ZZEF1: variants seen among roughly 807,000 people sequenced by gnomAD.
ZZEF1 encodes the protein zinc finger ZZ-type and EF-hand domain containing 1.
In ZZEF1, 157 loss-of-function variants were observed where a neutral mutation model predicts 342.8. The observed-to-expected ratio is 0.46, with a 90% confidence interval of 0.40 to 0.52. The LOEUF (loss-of-function observed/expected upper bound fraction) is 0.52. Ranked by LOEUF, ZZEF1 falls within the 20% of genes least tolerant of loss-of-function variation. The pLI is 0.00. For missense variants in ZZEF1, 3,480 were observed against 3,725.6 expected (o/e 0.93, Z 1.72); for synonymous variants, 1,505 against 1,429.1 (o/e 1.05, Z -1.20).
chr17:4,060,608 C>G (rs549354685), intron 30 of ZZEF1, among the ~76,000 whole-genome samples: 5 of 148,052 alleles, frequency 3.4e-5, no homozygotes, highest in Admixed American at 2.0e-4. Context: ...AAACACTCAA[C>G]CCCCCACCCC....
intron 5 of ZZEF1, among the ~76,000 whole-genome samples, chr17:4,112,054 A>G (rs1026186370): frequency 2.8e-5 from 1 of 36,016 alleles, no homozygotes; most frequent in African/African-American, 1.6e-4. Flanking sequence ...ATATATATAT[A>G]TATATATATA....
At chr17:4,092,959 CAAAA>C (rs111253238) in intron 11 of ZZEF1, among the ~76,000 whole-genome samples, 1 of 97,214 alleles carries the variant, frequency 1.0e-5, no homozygotes. Flanking sequence ...AGGACATGAC[CAAAA>C]AAAAAAAAAA....
chr17:4,088,075 G>A (rs1020835878), intron 13 of ZZEF1, among the ~76,000 whole-genome samples: 7 of 152,098 alleles, frequency 4.6e-5, no homozygotes, highest in Non-Finnish European at 7.4e-5. Context: ...GCCTCTGAAT[G>A]TGCCCTGAAG....
chr17:4,136,055 C>T (rs1194960649), intron 1 of ZZEF1, among the ~76,000 whole-genome samples: 3 of 131,708 alleles, frequency 2.3e-5, no homozygotes, highest in African/African-American at 2.8e-5. Context: ...TGCAGTGGTG[C>T]GATCTCGGCT....
intron 25 of ZZEF1, chr17:4,071,274 T>C (rs925185194): frequency 5.0e-5 from 10 of 200,618 alleles, no homozygotes; most frequent in Admixed American, 3.3e-4. Flanking sequence ...CCCTGAAGGA[T>C]TGGCAGATTT....
At chr17:4,112,525 T>C in intron 5 of ZZEF1, 84 bp downstream of exon 5, 1 of 1,381,734 alleles carries the variant, frequency 7.2e-7, no homozygotes, top group Admixed American at 1.9e-5. Context: ...AAACCGAATC[T>C]CAAAAACTAA....
At chr17:4,091,698 A>G (rs924411750) in intron 11 of ZZEF1, among the ~76,000 whole-genome samples, 1 of 151,520 alleles carries the variant, frequency 6.6e-6, no homozygotes, top group East Asian at 1.9e-4. Context: ...AATCACTTGA[A>G]CCCAAGAGGT....
Position 4,089,372 on chromosome 17 carries a change from T to C in ZZEF1, c.2026-479A>G, listed in dbSNP as rs188183869. On this transcript the variant is annotated intron_variant, in intron 12 of 54. Coordinates refer to ENST00000381638, the MANE Select transcript of ZZEF1 (RefSeq NM_015113.4). ...TTTCATGCAAACTACCTGCTTCTTA[T>C]GGTGAGCGCTCTTTGTTAAGGGCCT... 3.2e-4 allele frequency among the ~76,000 whole-genome samples: 48 copies of C among 152,332 alleles called. 2 individuals are homozygous for C. Among genetic ancestry groups the C allele is most frequent in the Admixed American group, 2.7e-3 (41 of 15,300 alleles).
Position 4,085,740 on chromosome 17 carries a change from G to T in ZZEF1, c.2576C>A (p.Thr859Asn). 2 of 1,614,118 alleles carry T rather than the reference G, an allele frequency of 1.2e-6. No homozygotes were observed. Among genetic ancestry groups the T allele is most frequent in the Non-Finnish European group, 1.7e-6 (2 of 1,180,004 alleles). The change falls in exon 16 of 55, where the codon ACC becomes AAC. Residue 859 changes from threonine to asparagine, a missense_variant. Physicochemically the swap from Thr to Asn is moderately conservative, Grantham distance 65. Around this residue, in one of 5 missense-constraint regions of ZZEF1, gnomAD observed 1,528 missense variants for 1,624.1 expected, o/e 0.94. Transcript: ENST00000381638. Reference protein sequence around the residue: ...MEILKQEVRNTLLNGAAIFFP... With the variant: ...MEILKQEVRNNLLNGAAIFFP... ...GAAGATGGCAGCCCCATTGAGAAGG[G>T]TATTCCTGACTTCTTGTTTTAGTAT...
intron 16 of ZZEF1, among the ~76,000 whole-genome samples, chr17:4,085,281 C>A (rs1197116980): frequency 6.6e-6 from 1 of 152,072 alleles, no homozygotes; most frequent in East Asian, 1.9e-4. Flanking sequence ...GAATTTATGA[C>A]TGTTGAAGCT....
At chr17:4,009,576 G>A (rs1331409066) in intron 53 of ZZEF1, 28 bp downstream of exon 53, 1 of 1,611,740 alleles carries the variant, frequency 6.2e-7, no homozygotes, top group South Asian at 1.1e-5. Flanking sequence ...GGAGGCACCG[G>A]GCTCCCTGCC....
chr17:4,042,387 T>C, intron 39 of ZZEF1, 42 bp downstream of exon 39: 1 of 1,588,020 alleles, frequency 6.3e-7, no homozygotes, highest in Non-Finnish European at 8.6e-7. Context: ...CCTTCTTCTA[T>C]GCATACCACC....
chr17:4,018,642 C>T (rs2056181239), intron 46 of ZZEF1, among the ~76,000 whole-genome samples: 1 of 152,148 alleles, frequency 6.6e-6, no homozygotes, highest in African/African-American at 2.4e-5. Context: ...GCAGTCTGAA[C>T]AGGTGGACGA....
At position 4,072,774 on chromosome 17, in the gene ZZEF1, C is replaced by T; in HGVS notation, c.3686-18G>A. The T allele has an allele frequency of 6.3e-7, 1 of 1,584,262 alleles. No individual in the cohort carries two copies. The highest frequency in any genetic ancestry group is 8.6e-7 in the Non-Finnish European group (1 of 1,164,388). ...TCCTAACTCTAGAAAGAGAAGAAGA[C>T]ATATGACAGTTCTATTTTTGCCTTA... On this transcript the variant is annotated intron_variant, in intron 24 of 54. Transcript: ENST00000381638.
chr17:4,013,743 C>A, intron 51 of ZZEF1, 129 bp from the exon 52 acceptor site: 1 of 1,068,870 alleles, frequency 9.4e-7, no homozygotes, highest in South Asian at 2.1e-5. Context: ...ATTTTAATAA[C>A]TGTGATCATT....
chr17:4,023,654 TC>T (rs869039799), intron 43 of ZZEF1, among the ~76,000 whole-genome samples: 1 of 26,286 alleles, frequency 3.8e-5, no homozygotes, highest in African/African-American at 1.6e-4. Flanking sequence ...ACCCTGTCTC[TC>T]CAAAAAAAAA....
At chr17:4,046,306 G>A (rs2056911722) in intron 37 of ZZEF1, among the ~76,000 whole-genome samples, 1 of 152,180 alleles carries the variant, frequency 6.6e-6, no homozygotes, top group Non-Finnish European at 1.5e-5. Flanking sequence ...TTCCTGAGAA[G>A]TCACTCAGAA....
intron 6 of ZZEF1, among the ~76,000 whole-genome samples, chr17:4,107,997 T>G (rs1439447054): frequency 1.3e-5 from 2 of 152,142 alleles, no homozygotes; most frequent in Non-Finnish European, 2.9e-5. Flanking sequence ...ACCAGCCAAC[T>G]CCAGGATAAC....
At chr17:4,020,929 A>G (rs1485614740) in intron 45 of ZZEF1, among the ~76,000 whole-genome samples, 200 bp downstream of exon 45, 2 of 152,212 alleles carry the variant, frequency 1.3e-5, no homozygotes, top group Non-Finnish European at 2.9e-5. Context: ...TTATAACCCA[A>G]AATATTAAGA....
Sources: gnomAD v4.1 joint callset for allele counts (sites outside exome capture counted in the v4.1 genomes callset) on GRCh38, gnomAD v4.1.1 for gene constraint, gnomAD v4.1.1 regional missense constraint, MANE v1.5 for transcripts, NCBI Gene and HGNC (gene_info 2026-07-23, HGNC 2026-07-21) for gene names.